Variants in GNL3L observed in about 807,000 individuals in gnomAD.
The protein encoded by GNL3L is G protein nucleolar 3 like.
GNL3L carries 4 observed loss-of-function variants against 42.9 expected under a neutral mutation model. That is an observed-to-expected ratio of 0.09 (90% CI 0.05 to 0.21). GNL3L has a LOEUF of 0.21. Among genes scored for constraint, GNL3L ranks in the 10% least tolerant of loss-of-function variants. The probability of loss-of-function intolerance (pLI) is 1.00; values close to 1 mark genes in which losing one functional copy is unlikely to be tolerated. For missense variants in GNL3L, 412 were observed against 481.7 expected (o/e 0.86, Z 1.36); for synonymous variants, 159 against 176.3 (o/e 0.90, Z 0.78).
chrX:54,630,948 AG>A, the GNL3L span, among the ~76,000 whole-genome samples: 1 of 106,575 alleles, frequency 9.4e-6, no homozygotes, highest in African/African-American at 3.5e-5. Flanking sequence ...CTGGGATTAC[AG>A]GCGTCCATCA....
In GNL3L at chrX:54,597,052, G is replaced by T. The variant is rs1376878282; in HGVS notation, c.*46-23793G>T. 3.3e-4 allele frequency among the ~76,000 whole-genome samples: 37 copies of T among 111,002 alleles called. 1 individual carries two copies. In the Admixed American group the frequency reaches 3.5e-3, roughly 11 times the overall value. ...ACTCTGCCTCCCTGCGGTGGAGCTG[G>T]TATCTAAGGTGCAAGACAAAGTCCC... On this transcript the variant is annotated intron_variant, in intron 16 of 16. Transcript: ENST00000674498.
intron 16 of GNL3L, among the ~76,000 whole-genome samples, chrX:54,612,582 G>T (rs1342536808): frequency 2.7e-5 from 3 of 111,778 alleles, no homozygotes; most frequent in Non-Finnish European, 5.6e-5. Flanking sequence ...TTTGTTTCAA[G>T]ATTTAGAGTT....
chrX:54,558,445 C>G lies in GNL3L; in HGVS notation c.1456C>G (p.Leu486Val), dbSNP rs757625778. The part of the protein sequence containing the change: ...NKTTVYKIGD[L>V]TGYCTNPNRH... ...TTCTGTCTCTTCCTAGATTGGAGAT[C>G]TCACTGGGTATTGCACCAATCCGAA... Residue 486 changes from leucine (L) to valine (V), a missense_variant, in exon 15 of 16, where the codon CTC (leucine) becomes GTC (valine). By Grantham distance (32) the Leu-to-Val change is conservative. Coordinates refer to ENST00000360845, the MANE Select transcript of GNL3L (RefSeq NM_001184819.2). The G allele has an allele frequency of 2.5e-5, 30 of 1,188,940 alleles. No individual in the cohort carries two copies. The highest frequency in any genetic ancestry group is 3.4e-5 in the Non-Finnish European group (30 of 875,058).
chrX:54,570,222 A>G (rs184181753), downstream of GNL3L, among the ~76,000 whole-genome samples: 120 of 111,635 alleles, frequency 1.1e-3, no homozygotes, highest in African/African-American at 3.5e-3. Flanking sequence ...TATTTAATTG[A>G]TTTTGAACCT....
chrX:54,599,072 A>G (rs1946235503), intron 16 of GNL3L, among the ~76,000 whole-genome samples: 1 of 112,225 alleles, frequency 8.9e-6, no homozygotes, highest in African/African-American at 3.2e-5. Context: ...TCATATTCAA[A>G]CTGAAGGAAA....
the GNL3L span, among the ~76,000 whole-genome samples, chrX:54,629,266 G>A: frequency 9.0e-6 from 1 of 110,782 alleles, no homozygotes; most frequent in Non-Finnish European, 1.9e-5. Flanking sequence ...TCTTTCTCTT[G>A]TCTGATTGCT....
downstream of GNL3L, among the ~76,000 whole-genome samples, chrX:54,622,286 T>TG (rs1926297731): frequency 1.2e-5 from 1 of 86,319 alleles, no homozygotes; most frequent in African/African-American, 4.5e-5. Context: ...TTTTTTTTTT[T>TG]TTTTTTTTTT....
chrX:54,640,134 G>T, the GNL3L span, among the ~76,000 whole-genome samples: 2 of 111,388 alleles, frequency 1.8e-5, no homozygotes, highest in South Asian at 3.9e-4. Context: ...TTCCTCTTCT[G>T]CCCTGACATC....
chrX:54,567,282 A>G lies in GNL3L; in HGVS notation c.*6680A>G, dbSNP rs1364702908. 9.0e-6 allele frequency among the ~76,000 whole-genome samples: 1 copy of G among 110,714 alleles called. No individual in the cohort carries two copies. Among genetic ancestry groups the G allele is most frequent in the East Asian group, 2.8e-4 (1 of 3,532 alleles). On this transcript the variant is annotated 3_prime_UTR_variant, in exon 16 of 16. Coordinates refer to ENST00000360845, the MANE Select transcript of GNL3L (RefSeq NM_001184819.2). ...TGAATAAACATGGTTTTATTTCTTC[A>G]TGTCTAATATATATGTCTGCATTTT...
the GNL3L span, among the ~76,000 whole-genome samples, chrX:54,641,117 T>A: frequency 9.0e-6 from 1 of 111,133 alleles, no homozygotes; most frequent in Non-Finnish European, 1.9e-5. Context: ...CAGGCATACA[T>A]ACGGATAAAC....
intron 16 of GNL3L, among the ~76,000 whole-genome samples, chrX:54,613,506 C>A (rs771795751): frequency 9.0e-6 from 1 of 110,721 alleles, no homozygotes; most frequent in Admixed American, 9.7e-5. Flanking sequence ...GGTGTTGAAG[C>A]ACCTTGTTGT....
At chrX:54,615,541 TA>T (rs1254832589) in intron 16 of GNL3L, among the ~76,000 whole-genome samples, 2 of 111,932 alleles carry the variant, frequency 1.8e-5, no homozygotes, top group African/African-American at 6.5e-5. Context: ...AAAAAATTTT[TA>T]AAAACCCAAT....
Position 54,607,054 on chromosome X carries a change from TTCTTTC to T in GNL3L, c.*46-13789_*46-13784del, listed in dbSNP as rs1569542594. On this transcript the variant is annotated intron_variant, in intron 16 of 16. Transcript: ENST00000674498. The stretch of plus-strand genomic sequence containing the variant: ...TTTCTTTCTTTCTTTCTTTCTTTCT[TTCTTTC>T]TTTCTTTCTTTCTCTTTCTTTCTTC... 1.9e-4 allele frequency among the ~76,000 whole-genome samples: 13 copies of T among 66,679 alleles called. 2 individuals carry two copies. The highest frequency in any genetic ancestry group is 9.8e-4 in the African/African-American group (11 of 11,261). 57.9% of individuals were successfully genotyped at this position (66,679 alleles called of 115,157 possible).
rs190055823 is a variant in GNL3L at position 54,544,516 on chromosome X, T to C, written c.630+190T>C. Among the ~76,000 whole-genome samples, 365 of 106,979 alleles carry C rather than the reference T, an allele frequency of 3.4e-3. 2 individuals carry two copies. Among genetic ancestry groups the C allele is most frequent in the African/African-American group, 0.012 (340 of 29,153 alleles). The allele number at this position is 106,979 out of a possible 115,157, so 92.9% of individuals were successfully genotyped here. ...TGGAGTTTCACTCTTATTGCCCAGG[T>C]TGGAATGCAATGGTGTGATCTCGGC... On this transcript the variant is annotated intron_variant, in intron 8 of 15. Transcript: ENST00000360845.
In GNL3L at chrX:54,563,915, G is replaced by A. The variant is rs1309654262; in HGVS notation, c.*3313G>A. On this transcript the variant is annotated 3_prime_UTR_variant, in exon 16 of 16. Coordinates refer to ENST00000360845, the MANE Select transcript of GNL3L (RefSeq NM_001184819.2). Reference sequence around the variant, plus strand: ...ACCTTCATTTTTCAAAACAATTAGGGTACAATTTACATATAGTAAAGTTCA... The same window carrying A: ...ACCTTCATTTTTCAAAACAATTAGGATACAATTTACATATAGTAAAGTTCA... Among the ~76,000 whole-genome samples, 1 of 111,254 alleles carries A rather than the reference G, an allele frequency of 9.0e-6. No individual in the cohort carries two copies. The highest frequency in any genetic ancestry group is 9.6e-5 in the Admixed American group (1 of 10,429).
In GNL3L at chrX:54,566,595, T is replaced by G. The variant is rs1196319791; in HGVS notation, c.*5993T>G. On this transcript the variant is annotated 3_prime_UTR_variant, in exon 16 of 16. Coordinates refer to ENST00000360845, the MANE Select transcript of GNL3L (RefSeq NM_001184819.2). ...GACTGGCTTATTTCACTTTGCATAA[T>G]GTATTCAAGCTTAATCTGTGTTGTA... is the stretch of plus-strand genomic sequence containing the variant. Among the ~76,000 whole-genome samples, 10 of 112,608 alleles carry G rather than the reference T, an allele frequency of 8.9e-5. No individual in the cohort carries two copies. The highest frequency in any genetic ancestry group is 1.9e-4 in the Non-Finnish European group (10 of 53,368).
chrX:54,549,705 G>C (rs1207490536), intron 9 of GNL3L, among the ~76,000 whole-genome samples: 2 of 112,188 alleles, frequency 1.8e-5, no homozygotes, highest in Non-Finnish European at 3.8e-5. Context: ...GCAACAGAGC[G>C]AGACTCCGTC....
At chrX:54,621,301 T>C (rs1193058238) in exon 17 of GNL3L, among the ~76,000 whole-genome samples, 1 of 112,141 alleles carries the variant, frequency 8.9e-6, no homozygotes, top group African/African-American at 3.2e-5. Flanking sequence ...GAAGTCCAAC[T>C]GAGACAGTCA....
downstream of GNL3L, among the ~76,000 whole-genome samples, chrX:54,569,456 T>C (rs539938412): frequency 1.8e-5 from 2 of 112,409 alleles, no homozygotes; most frequent in East Asian, 2.8e-4. Flanking sequence ...ATGTAGTTTA[T>C]CAAATTAATT....
Sources: gnomAD v4.1 joint callset for allele counts (sites outside exome capture counted in the v4.1 genomes callset) on GRCh38, gnomAD v4.1.1 for gene constraint, MANE v1.5 for transcripts, NCBI Gene and HGNC (gene_info 2026-07-23, HGNC 2026-07-21) for gene names.